The following ARHGEF3 variants were observed in gnomAD, a reference collection of about 807,000 sequenced individuals.
ARHGEF3 encodes the protein Rho guanine nucleotide exchange factor 3.
Under a neutral mutation model 63.2 loss-of-function variants are expected in ARHGEF3, and 28 were observed. The observed-to-expected ratio is 0.44, with a 90% CI of 0.33 to 0.61. ARHGEF3 has a LOEUF of 0.61. ARHGEF3 is among the 20% of genes least tolerant of loss of function. The probability of loss-of-function intolerance (pLI) is 0.03; values close to 1 mark genes in which losing one functional copy is unlikely to be tolerated. For missense variants in ARHGEF3, 533 were observed against 659.3 expected (o/e 0.81, Z 2.10); for synonymous variants, 266 against 254.2 (o/e 1.05, Z -0.44).
intron 3 of ARHGEF3, among the ~76,000 whole-genome samples, chr3:56,919,622 G>A (rs1278508969): frequency 1.3e-5 from 2 of 152,122 alleles, no homozygotes; most frequent in African/African-American, 2.4e-5. Flanking sequence ...TGCCAATGTT[G>A]ATAACTCATG....
chr3:57,018,306 G>A (rs1038157482), intron 2 of ARHGEF3, among the ~76,000 whole-genome samples: 3 of 150,814 alleles, frequency 2.0e-5, no homozygotes, highest in African/African-American at 7.3e-5. Context: ...AAACTTTAAA[G>A]GCCAAAAAGG....
intron 3 of ARHGEF3, among the ~76,000 whole-genome samples, chr3:56,922,089 GGAAAGCTGATGTATGCTGT>G (rs1214500565): frequency 6.6e-6 from 1 of 150,622 alleles, no homozygotes; most frequent in East Asian, 1.9e-4. Flanking sequence ...AAAAAAAAAA[GGAAAGCTGATGTATGCTGT>G]GAAGCAGCCA....
At chr3:57,047,243 G>T (rs1704491689) in intron 1 of ARHGEF3, among the ~76,000 whole-genome samples, 1 of 152,198 alleles carries the variant, frequency 6.6e-6, no homozygotes, top group South Asian at 2.1e-4. Context: ...AGCTACTCAG[G>T]AGGCTGAGGC....
chr3:57,063,956 AT>A (rs1272257815), intron 1 of ARHGEF3, among the ~76,000 whole-genome samples: 1 of 152,224 alleles, frequency 6.6e-6, no homozygotes, highest in East Asian at 1.9e-4. Flanking sequence ...ATTGAATAAT[AT>A]TCTGCCTTAA....
chr3:56,910,178 T>G (rs1251762764), intron 3 of ARHGEF3, among the ~76,000 whole-genome samples: 1 of 152,198 alleles, frequency 6.6e-6, no homozygotes, highest in Non-Finnish European at 1.5e-5. Context: ...GGCCCTGGCT[T>G]TTCTTACTTT....
chr3:56,918,278 T>A (rs1321016677), intron 3 of ARHGEF3, among the ~76,000 whole-genome samples: 1 of 151,892 alleles, frequency 6.6e-6, no homozygotes, highest in Non-Finnish European at 1.5e-5. Context: ...CTTCAAGGAG[T>A]CCCAGCAGCC....
At chr3:56,980,518 C>T (rs779808813) in intron 2 of ARHGEF3, among the ~76,000 whole-genome samples, 3 of 152,272 alleles carry the variant, frequency 2.0e-5, no homozygotes, top group South Asian at 2.1e-4. Context: ...ATAGTACCTA[C>T]GTAGGTTAGT....
At position 56,968,304 on chromosome 3, in the gene ARHGEF3, ATATATAT is replaced by A. The variant is rs1700746523; in HGVS notation, c.63-9422_63-9416del. ...ATATATATAATATATATAATATATA[ATATATAT>A]AAAATATATTTTATATATATATAAT... On this transcript the variant is annotated intron_variant, in intron 2 of 12. Transcript: ENST00000338458. Among the ~76,000 whole-genome samples, 2 of 52,312 alleles carry A rather than the reference ATATATAT, an allele frequency of 3.8e-5. 1 individual carries two copies. Among genetic ancestry groups the A allele is most frequent in the African/African-American group, 1.2e-4 (2 of 16,072 alleles). 34.3% of individuals were successfully genotyped at this position (52,312 alleles called of 152,430 possible).
intron 7 of ARHGEF3, among the ~76,000 whole-genome samples, chr3:56,738,067 C>CG (rs2033751209): frequency 6.6e-6 from 1 of 151,920 alleles, no homozygotes; most frequent in South Asian, 2.1e-4. Context: ...TGTTTTGAGA[C>CG]GGAGTCTCAC....
At chr3:56,900,853 T>G (rs767712324) in intron 3 of ARHGEF3, among the ~76,000 whole-genome samples, 8 of 152,244 alleles carry the variant, frequency 5.3e-5, no homozygotes, top group Admixed American at 2.0e-4. Flanking sequence ...CCTGCTTTTT[T>G]AAGGCCATTG....
chr3:57,005,993 G>C (rs112280370), intron 2 of ARHGEF3, among the ~76,000 whole-genome samples: 3,402 of 152,246 alleles, frequency 0.022, 114 homozygotes, highest in African/African-American at 0.076. Flanking sequence ...ACAACATACA[G>C]CCTTCAAGCC....
At chr3:56,831,216 C>T (rs1241159785) in intron 4 of ARHGEF3, among the ~76,000 whole-genome samples, 1 of 152,172 alleles carries the variant, frequency 6.6e-6, no homozygotes, top group Non-Finnish European at 1.5e-5. Flanking sequence ...AATAACAGAC[C>T]CAAGGCCGTA....
intron 4 of ARHGEF3, among the ~76,000 whole-genome samples, chr3:56,874,362 C>T (rs2040521056): frequency 6.6e-6 from 1 of 152,220 alleles, no homozygotes. Flanking sequence ...CATAATTCAT[C>T]AAGGCCCCAT....
intron 1 of ARHGEF3, 90 bp downstream of exon 1, chr3:56,801,613 T>G (rs547976288): frequency 8.1e-5 from 119 of 1,462,360 alleles, no homozygotes; most frequent in Non-Finnish European, 1.0e-4. Flanking sequence ...ACAGAGACAG[T>G]GACACTGGAC....
chr3:57,030,100 T>C (rs1196513584), intron 2 of ARHGEF3, among the ~76,000 whole-genome samples: 3 of 152,226 alleles, frequency 2.0e-5, no homozygotes, highest in African/African-American at 4.8e-5. Flanking sequence ...AGCCTAACCC[T>C]GCAGCATGAA....
chr3:56,942,707 G>A (rs1429381639), intron 3 of ARHGEF3, among the ~76,000 whole-genome samples: 1 of 152,212 alleles, frequency 6.6e-6, no homozygotes, highest in Non-Finnish European at 1.5e-5. Flanking sequence ...TGAAAGTTAG[G>A]CCTATTGTAC....
chr3:56,820,595 G>A (rs1327455243), intron 4 of ARHGEF3, among the ~76,000 whole-genome samples: 1 of 152,104 alleles, frequency 6.6e-6, no homozygotes, highest in Non-Finnish European at 1.5e-5. Flanking sequence ...TTGAGCATAG[G>A]AGTTTGAGAC....
At chr3:56,802,071 A>G, upstream of ARHGEF3, 1 of 1,240,036 alleles carries the variant, frequency 8.1e-7, no homozygotes, top group Non-Finnish European at 1.0e-6. Context: ...CAGCGCGGAC[A>G]CCTCCTGGGG....
At chr3:56,838,615 G>C (rs1160043578) in intron 4 of ARHGEF3, among the ~76,000 whole-genome samples, 3 of 152,182 alleles carry the variant, frequency 2.0e-5, no homozygotes, top group African/African-American at 7.2e-5. Flanking sequence ...GATGTGGGAA[G>C]GAGGTCTGCA....
Sources: gnomAD v4.1 joint callset for allele counts (sites outside exome capture counted in the v4.1 genomes callset) on GRCh38, gnomAD v4.1.1 for gene constraint, MANE v1.5 for transcripts, NCBI Gene and HGNC (gene_info 2026-07-23, HGNC 2026-07-21) for gene names.